The following FUT8 variants were observed in gnomAD, a reference collection of about 807,000 sequenced individuals.
FUT8 encodes fucosyltransferase 8.
In FUT8, 29 loss-of-function variants were observed where a neutral mutation model predicts 71.3. That is an observed-to-expected ratio of 0.41 (90% CI 0.30 to 0.55). The LOEUF (loss-of-function observed/expected upper bound fraction) is 0.55, where lower values mean the gene tolerates loss of function less well. FUT8 is among the 20% of genes least tolerant of loss of function. The probability of loss-of-function intolerance (pLI) is 0.34; values close to 1 mark genes in which losing one functional copy is unlikely to be tolerated. For missense variants in FUT8, 544 were observed against 702.1 expected, an observed-to-expected ratio of 0.77 and a Z score of 2.55; for synonymous variants, 254 against 239.3, an observed-to-expected ratio of 1.06 and a Z score of -0.57.
chr14:65,388,839 T>C, the FUT8 span, among the ~76,000 whole-genome samples: 1 of 152,128 alleles, frequency 6.6e-6, no homozygotes. Flanking sequence ...AATGGAATAT[T>C]GTGCAGCAAA....
intron 2 of FUT8, among the ~76,000 whole-genome samples, chr14:65,525,148 C>T (rs1314676732): frequency 2.1e-4 from 32 of 152,168 alleles, no homozygotes; most frequent in Admixed American, 1.8e-3. Flanking sequence ...GTACTAGCTC[C>T]TCCTTGTACC....
chr14:65,381,787 C>T, the FUT8 span, among the ~76,000 whole-genome samples: 3 of 152,172 alleles, frequency 2.0e-5, no homozygotes, highest in Admixed American at 6.5e-5. Context: ...TGTGTATCTT[C>T]GTTCTCTCTT....
chr14:65,742,051 AG>A lies in FUT8; in HGVS notation c.1411-41del, dbSNP rs199784977. On this transcript the variant is annotated intron_variant, in intron 10 of 10. Coordinates refer to ENST00000673929, the MANE Select transcript of FUT8 (RefSeq NM_001371533.1). ...GGGCTTTTAGATTGCTGTGAAGGAGAGTGTTTATATACTAACAATTTCTTTT... is the reference window on the plus strand; with the variant it reads ...GGGCTTTTAGATTGCTGTGAAGGAGATGTTTATATACTAACAATTTCTTTT... The A allele has an allele frequency of 5.2e-4, 788 of 1,523,080 alleles. 11 individuals carry two copies. The East Asian group carries it at 0.016, about 32-fold the overall frequency. The allele number at this position is 1,523,080 out of a possible 1,614,324, so 94.3% of individuals were successfully genotyped here.
chr14:65,572,107 A>G (rs1369627175), intron 3 of FUT8, among the ~76,000 whole-genome samples: 4 of 152,184 alleles, frequency 2.6e-5, no homozygotes, highest in Non-Finnish European at 5.9e-5. Flanking sequence ...GTTGCAGCTC[A>G]TAATCATAAT....
intron 7 of FUT8, among the ~76,000 whole-genome samples, chr14:65,697,767 A>G (rs1894069660): frequency 2.0e-5 from 3 of 152,168 alleles, no homozygotes; most frequent in African/African-American, 7.2e-5. Context: ...TGAGGTCAGG[A>G]ATTCGAGAGC....
At chr14:65,733,743 A>G (rs777607877) in intron 10 of FUT8, among the ~76,000 whole-genome samples, 5 of 152,156 alleles carry the variant, frequency 3.3e-5, no homozygotes, top group Non-Finnish European at 5.9e-5. Flanking sequence ...GAATCCATCC[A>G]TTTCTACACA....
At chr14:65,398,544 G>T in the FUT8 span, among the ~76,000 whole-genome samples, 4 of 151,898 alleles carry the variant, frequency 2.6e-5, no homozygotes, top group Admixed American at 2.6e-4. Flanking sequence ...GACGATTCTG[G>T]CCAACATGGC....
intron 1 of FUT8, among the ~76,000 whole-genome samples, chr14:65,415,162 A>G (rs2065200173): frequency 1.3e-5 from 2 of 152,218 alleles, no homozygotes; most frequent in Admixed American, 6.5e-5. Flanking sequence ...ATGCTGTTAT[A>G]TTAGTACATT....
intron 3 of FUT8, among the ~76,000 whole-genome samples, chr14:65,590,064 C>A (rs142586269): frequency 1.3e-5 from 2 of 152,104 alleles, no homozygotes; most frequent in African/African-American, 4.8e-5. Flanking sequence ...CAGAAAGATA[C>A]GACATACCAA....
chr14:65,359,006 T>C, the FUT8 span, among the ~76,000 whole-genome samples: 1 of 152,226 alleles, frequency 6.6e-6, no homozygotes, highest in Admixed American at 6.5e-5. Flanking sequence ...TCTTTAATAT[T>C]ATTTAATACT....
rs5809283 is a variant in FUT8, at chr14:65,584,179, C to CT, written c.203+22429dup. Among the ~76,000 whole-genome samples the CT allele has an allele frequency of 7.8e-3, 981 of 125,894 alleles. 12 individuals are homozygous for CT. Among genetic ancestry groups the CT allele is most frequent in the African/African-American group, 0.024 (856 of 35,042 alleles). 82.6% of individuals were successfully genotyped at this position (125,894 alleles called of 152,430 possible). On this transcript the variant is annotated intron_variant, in intron 3 of 10. Coordinates refer to ENST00000673929, the MANE Select transcript of FUT8 (RefSeq NM_001371533.1). The stretch of plus-strand genomic sequence containing the variant: ...ACAGGTGGGAGCCACCACGCCCAGC[C>CT]TTTTTTTTTTTTTTTTGAGACAGAG...
At chr14:65,468,409 A>C in intron 2 of FUT8, 1 of 346,654 alleles carries the variant, frequency 2.9e-6, no homozygotes, top group Non-Finnish European at 5.1e-6. Context: ...TTTTTTTTTT[A>C]ACACTAAATA....
chr14:65,499,113 G>A (rs2066605811), intron 2 of FUT8, among the ~76,000 whole-genome samples: 1 of 152,154 alleles, frequency 6.6e-6, no homozygotes, highest in Non-Finnish European at 1.5e-5. Flanking sequence ...TGATCTCACT[G>A]TATGTTGCCC....
chr14:65,543,121 T>TA (rs1344749901), intron 2 of FUT8, among the ~76,000 whole-genome samples: 1 of 152,164 alleles, frequency 6.6e-6, no homozygotes, highest in Non-Finnish European at 1.5e-5. Flanking sequence ...TATCTCTCCT[T>TA]ATAACTATTA....
chr14:65,598,112 T>C (rs934426025), intron 3 of FUT8, among the ~76,000 whole-genome samples: 1 of 152,136 alleles, frequency 6.6e-6, no homozygotes, highest in African/African-American at 2.4e-5. Flanking sequence ...AAGTCAAGGC[T>C]ACACAGTAAG....
chr14:65,517,027 TTGTAGCA>T (rs1410405023), intron 2 of FUT8, among the ~76,000 whole-genome samples: 1 of 151,830 alleles, frequency 6.6e-6, no homozygotes, highest in Non-Finnish European at 1.5e-5. Context: ...TTCATCCATA[TTGTAGCA>T]TGTATCAGAA....
intron 2 of FUT8, among the ~76,000 whole-genome samples, chr14:65,464,099 T>C (rs1013929204): frequency 6.6e-6 from 1 of 152,192 alleles, no homozygotes; most frequent in Admixed American, 6.5e-5. Context: ...AGTTGTTTAA[T>C]TGGAGTTTTT....
At chr14:65,575,199 A>G (rs1295981894) in intron 3 of FUT8, among the ~76,000 whole-genome samples, 1 of 151,956 alleles carries the variant, frequency 6.6e-6, no homozygotes, top group African/African-American at 2.4e-5. Flanking sequence ...CCATTACTTA[A>G]AAATCATTTA....
intron 3 of FUT8, among the ~76,000 whole-genome samples, chr14:65,565,790 T>C (rs1362846786): frequency 1.3e-5 from 2 of 151,928 alleles, no homozygotes; most frequent in African/African-American, 4.8e-5. Context: ...TGTGTTGATT[T>C]GCCATTCATA....
Sources: allele counts gnomAD v4.1 joint callset (sites outside exome capture counted in the v4.1 genomes callset), GRCh38; gene constraint gnomAD v4.1.1; transcripts MANE v1.5; gene names NCBI Gene and HGNC (gene_info 2026-07-23, HGNC 2026-07-21).